ASIC2: variants seen among roughly 807,000 people sequenced by gnomAD.
The protein encoded by ASIC2 is acid sensing ion channel subunit 2, also known as acid-sensing ion channel 2.
In ASIC2, 25 loss-of-function variants were observed where a neutral mutation model predicts 57.3. The observed-to-expected ratio is 0.44, with a 90% confidence interval of 0.32 to 0.61. The LOEUF is 0.61. ASIC2 is among the 20% of genes least tolerant of loss of function. ASIC2 has a pLI of 0.06. For missense variants in ASIC2, 641 were observed against 738.1 expected, an observed-to-expected ratio of 0.87 and a Z score of 1.52; for synonymous variants, 319 against 307.5, an observed-to-expected ratio of 1.04 and a Z score of -0.39.
chr17:34,123,214 C>T (rs762576261), intron 1 of ASIC2, among the ~76,000 whole-genome samples: 1 of 152,106 alleles, frequency 6.6e-6, no homozygotes, highest in Admixed American at 6.5e-5. Context: ...CTCTGCTGGC[C>T]CTGGAACTAG....
rs1390765146 is a variant in ASIC2 at position 33,087,711 on chromosome 17, C to T, written c.987+1152G>A. ...CCAAGTAGCTGGGATCACAGGCATG[C>T]ACTACCATGCCTAATTTTTTTTTTT... On this transcript the variant is annotated intron_variant, in intron 3 of 9. Coordinates refer to ENST00000225823, the MANE Select transcript of ASIC2 (RefSeq NM_183377.2). Among the ~76,000 whole-genome samples the T allele has an allele frequency of 2.0e-5, 3 of 149,774 alleles. No individual in the cohort carries two copies. In the East Asian group the frequency reaches 5.9e-4, roughly 30 times the overall value.
At chr17:34,040,470 G>T (rs976629746) in intron 1 of ASIC2, among the ~76,000 whole-genome samples, 1 of 149,802 alleles carries the variant, frequency 6.7e-6, no homozygotes, top group African/African-American at 2.5e-5. Context: ...AAGGTGGGGG[G>T]GGTCCCCGCT....
At chr17:33,289,059 C>T (rs1246215583) in intron 1 of ASIC2, among the ~76,000 whole-genome samples, 1 of 152,168 alleles carries the variant, frequency 6.6e-6, no homozygotes, top group Non-Finnish European at 1.5e-5. Flanking sequence ...GGGGTGAAGC[C>T]TTTAATTCTG....
chr17:33,464,532 CTTTCTTTCTCTTTCTT>C (rs1912778264), intron 1 of ASIC2, among the ~76,000 whole-genome samples: 1 of 35,344 alleles, frequency 2.8e-5, no homozygotes, highest in East Asian at 5.2e-4. Context: ...TTCTTTCTTT[CTTTCTTTCTCTTTCTT>C]TCTTTCTTTC....
chr17:34,058,511 C>T (rs554710155), intron 1 of ASIC2, among the ~76,000 whole-genome samples: 3 of 151,974 alleles, frequency 2.0e-5, no homozygotes, highest in Non-Finnish European at 4.4e-5. Context: ...ATTATTAAAA[C>T]AAATGCTTAG....
chr17:33,237,607 C>T (rs1168670451), intron 1 of ASIC2, among the ~76,000 whole-genome samples: 1 of 152,176 alleles, frequency 6.6e-6, no homozygotes, highest in Non-Finnish European at 1.5e-5. Flanking sequence ...GCTGGGATTA[C>T]AGGTGTGAGC....
chr17:33,682,825 T>C (rs1444687182), intron 1 of ASIC2, among the ~76,000 whole-genome samples: 4 of 152,234 alleles, frequency 2.6e-5, no homozygotes, highest in Non-Finnish European at 1.5e-5. Context: ...CTTTGGAGAA[T>C]GGTGCTTCCC....
intron 1 of ASIC2, among the ~76,000 whole-genome samples, chr17:33,183,730 G>T (rs1447538235): frequency 6.6e-6 from 1 of 152,138 alleles, no homozygotes; most frequent in African/African-American, 2.4e-5. Flanking sequence ...AGCAGAAATG[G>T]ATCACCATCC....
At chr17:33,283,174 C>T (rs558835615) in intron 1 of ASIC2, among the ~76,000 whole-genome samples, 68 of 152,306 alleles carry the variant, frequency 4.5e-4, no homozygotes, top group Non-Finnish European at 7.9e-4. Context: ...CAGCATCTCT[C>T]CCCAGGCACA....
At chr17:33,124,574 G>A (rs1482388168) in intron 1 of ASIC2, among the ~76,000 whole-genome samples, 2 of 152,178 alleles carry the variant, frequency 1.3e-5, no homozygotes, top group Non-Finnish European at 2.9e-5. Flanking sequence ...TGGTGCCAGT[G>A]TCTCTGTAGT....
chr17:33,994,731 T>C (rs1597966304), intron 1 of ASIC2, among the ~76,000 whole-genome samples: 1 of 152,278 alleles, frequency 6.6e-6, no homozygotes, highest in Non-Finnish European at 1.5e-5. Context: ...TTCTTGACTG[T>C]GAACCCACTA....
chr17:34,030,644 G>A (rs943235151), intron 1 of ASIC2, among the ~76,000 whole-genome samples: 21 of 152,194 alleles, frequency 1.4e-4, no homozygotes, highest in Non-Finnish European at 2.6e-4. Context: ...GGAAAATCGG[G>A]TCACTCCCAC....
At chr17:33,345,985 G>A (rs1160701690) in intron 1 of ASIC2, among the ~76,000 whole-genome samples, 2 of 152,098 alleles carry the variant, frequency 1.3e-5, no homozygotes, top group African/African-American at 2.4e-5. Flanking sequence ...CCAGCACTGT[G>A]TGAGGCCAAG....
chr17:33,999,560 A>G (rs896515355), intron 1 of ASIC2, among the ~76,000 whole-genome samples: 1 of 152,146 alleles, frequency 6.6e-6, no homozygotes, highest in African/African-American at 2.4e-5. Flanking sequence ...TGGTTACCAT[A>G]AGTCTTACGC....
At chr17:33,161,006 G>C (rs940177770) in intron 1 of ASIC2, among the ~76,000 whole-genome samples, 5 of 152,186 alleles carry the variant, frequency 3.3e-5, no homozygotes, top group African/African-American at 1.2e-4. Flanking sequence ...AAACAGCTTG[G>C]AGCTGGGCTG....
intron 3 of ASIC2, among the ~76,000 whole-genome samples, chr17:33,057,442 G>A (rs775870637): frequency 1.3e-5 from 2 of 152,206 alleles, no homozygotes; most frequent in Admixed American, 6.5e-5. Flanking sequence ...GTCTCTATGT[G>A]CTTGTCATTT....
chr17:33,367,930 A>G (rs1411393616), intron 1 of ASIC2, among the ~76,000 whole-genome samples: 1 of 152,228 alleles, frequency 6.6e-6, no homozygotes, highest in Non-Finnish European at 1.5e-5. Context: ...GAAGAGGCCC[A>G]GTATTTATAC....
intron 1 of ASIC2, among the ~76,000 whole-genome samples, chr17:33,478,519 T>C (rs555511732): frequency 4.9e-4 from 75 of 152,366 alleles, no homozygotes; most frequent in African/African-American, 1.8e-3. Context: ...CTAGGTGGCC[T>C]GAGAGGTCGC....
At chr17:33,883,749 A>C (rs982977388) in intron 1 of ASIC2, among the ~76,000 whole-genome samples, 2 of 152,264 alleles carry the variant, frequency 1.3e-5, no homozygotes, top group African/African-American at 4.8e-5. Flanking sequence ...CATTTCCTGC[A>C]TCCCCTGAAT....
Sources: allele counts gnomAD v4.1 joint callset (sites outside exome capture counted in the v4.1 genomes callset), GRCh38; gene constraint gnomAD v4.1.1; transcripts MANE v1.5; gene names NCBI Gene and HGNC (gene_info 2026-07-23, HGNC 2026-07-21).